The following IL2RB variants were observed in gnomAD, a reference collection of about 807,000 sequenced individuals.
IL2RB encodes interleukin 2 receptor subunit beta.
IL2RB carries 17 observed loss-of-function variants against 44.2 expected under a neutral mutation model. The observed-to-expected ratio is 0.38, with a 90% CI of 0.26 to 0.58. The LOEUF is 0.58. Ranked by LOEUF, IL2RB falls within the 20% of genes least tolerant of loss-of-function variation. The pLI is 0.63. For synonymous variants in IL2RB, 286 were observed against 297.9 expected (o/e 0.96, Z 0.41); for missense variants, 624 against 685.5 (o/e 0.91, Z 1.00).
intron 1 of IL2RB, among the ~76,000 whole-genome samples, chr22:37,167,347 C>T (rs1431031680): frequency 1.3e-5 from 2 of 152,172 alleles, no homozygotes; most frequent in African/African-American, 4.8e-5. Flanking sequence ...CTCGTCCCAC[C>T]ATCTCTCTGC....
rs228941 is a variant in IL2RB at position 37,127,681 on chromosome 22, C to G, written c.*415G>C. On this transcript the variant is annotated 3_prime_UTR_variant, in exon 10 of 10. Transcript: ENST00000216223. Reference sequence around the variant, plus strand: ...AAGCACGCTCAGGCTGCCCTGTGGACGGGGAGGGGAGGGAAGGAGGAGGCT... The same window carrying G: ...AAGCACGCTCAGGCTGCCCTGTGGAGGGGGAGGGGAGGGAAGGAGGAGGCT... The G allele has an allele frequency of 0.36, 56,566 of 157,788 alleles. 10,966 individuals are homozygous for G. The highest frequency in any genetic ancestry group is 0.51 in the African/African-American group (21,236 of 41,510). The allele number at this position is 157,788 out of a possible 1,614,324, so 9.8% of individuals were successfully genotyped here. A position where few individuals can be genotyped will look rare whatever the true frequency, so the allele number is the denominator to read the frequency against.
intron 1 of IL2RB, among the ~76,000 whole-genome samples, chr22:37,147,936 C>G (rs568245845): frequency 1.1e-4 from 16 of 152,340 alleles, no homozygotes; most frequent in African/African-American, 2.9e-4. Context: ...TCAATCATGC[C>G]AACCTGGCCC....
Position 37,133,367 on chromosome 22 carries a change from C to G in IL2RB, c.819-899G>C, listed in dbSNP as rs150546729. ...GAAAGAGGAAACGGGGCTCCGAACA[C>G]TGCCGAGAACCACTGCTCCAGGACG... On this transcript the variant is annotated intron_variant, in intron 8 of 9. Transcript: ENST00000216223. Among the ~76,000 whole-genome samples, 90 of 152,298 alleles carry G rather than the reference C, an allele frequency of 5.9e-4. 1 individual carries two copies. The highest frequency in any genetic ancestry group is 2.1e-3 in the African/African-American group (86 of 41,550).
intron 1 of IL2RB, among the ~76,000 whole-genome samples, chr22:37,162,183 G>T (rs996828496): frequency 6.6e-6 from 1 of 152,210 alleles, no homozygotes; most frequent in East Asian, 1.9e-4. Flanking sequence ...GGGTGATGGC[G>T]ATCGAGTGAG....
intron 9 of IL2RB, among the ~76,000 whole-genome samples, chr22:37,129,802 G>A (rs1163987922): frequency 6.6e-6 from 1 of 152,186 alleles, no homozygotes; most frequent in Non-Finnish European, 1.5e-5. Context: ...CAGGGGCCTC[G>A]GGTGGGTGAG....
chr22:37,131,557 G>C (rs1247333608), intron 9 of IL2RB, among the ~76,000 whole-genome samples: 1 of 152,188 alleles, frequency 6.6e-6, no homozygotes, highest in Non-Finnish European at 1.5e-5. Flanking sequence ...TCGGTGTTTT[G>C]TGACTCAAAG....
At position 37,126,592 on chromosome 22, in the gene IL2RB, T is replaced by C. The variant is rs2146220819; in HGVS notation, c.*1504A>G. ...CTTGGTGCCAAACCCCCTCATAGGC[T>C]GCTGGTCAGAGCCTGTGGGGGCGTG... is the stretch of plus-strand genomic sequence containing the variant. On this transcript the variant is annotated 3_prime_UTR_variant, in exon 10 of 10. Transcript: ENST00000216223. The C allele has an allele frequency of 6.6e-6, 1 of 152,348 alleles. No individual in the cohort carries two copies. Among genetic ancestry groups the C allele is most frequent in the Non-Finnish European group, 1.5e-5 (1 of 68,050 alleles). 9.4% of individuals were successfully genotyped at this position (152,348 alleles called of 1,614,324 possible). A position where few individuals can be genotyped will look rare whatever the true frequency, so the allele number is the denominator to read the frequency against.
In IL2RB at chr22:37,128,110, T is replaced by C; in HGVS notation, c.1642A>G (p.Thr548Ala). The C allele has an allele frequency of 6.4e-7, 1 of 1,565,822 alleles. No individual in the cohort carries two copies. Reference sequence around the variant, plus strand: ...TGGCCATCTGTCTACACCAAGTGAGTTGGGTCCTGACCCTGGAGTTCTTGG... The same window carrying C: ...TGGCCATCTGTCTACACCAAGTGAGCTGGGTCCTGACCCTGGAGTTCTTGG... Reference protein sequence around the residue: ...SLQELQGQDPTHLV With the variant: ...SLQELQGQDPAHLV Residue 548 changes from threonine to alanine, a missense_variant, in exon 10 of 10, where the codon ACT becomes GCT. Thr to Ala is a moderately conservative substitution (Grantham distance 58). Transcript: ENST00000216223. The surrounding 1 kb of genome is among the most constrained non-coding windows in gnomAD (Gnocchi z 4.5).
intron 1 of IL2RB, among the ~76,000 whole-genome samples, chr22:37,171,234 C>T (rs974317105): frequency 2.0e-5 from 3 of 152,176 alleles, no homozygotes; most frequent in East Asian, 1.9e-4. Context: ...CCACCCACCT[C>T]GGCCTCTCAA....
intron 1 of IL2RB, among the ~76,000 whole-genome samples, chr22:37,162,284 C>CA (rs1922907587): frequency 6.6e-6 from 1 of 152,136 alleles, no homozygotes; most frequent in Admixed American, 6.5e-5. Flanking sequence ...GCCCTGGTGC[C>CA]AGTGTGAGCA....
In IL2RB at chr22:37,137,867, C is replaced by T. The variant is rs1569044179; in HGVS notation, c.389-132G>A. On this transcript the variant is annotated intron_variant, in intron 5 of 9. Transcript: ENST00000216223. The stretch of plus-strand genomic sequence containing the variant: ...CCGACCCAAAGCCCCAGGACCCGCT[C>T]CCTCACTGCCTCCAGGCCTCTCTCA... 15 of 719,950 alleles carry T rather than the reference C, an allele frequency of 2.1e-5. No homozygotes were observed. In the Admixed American group the frequency reaches 2.7e-4, roughly 13 times the overall value. The allele number at this position is 719,950 out of a possible 1,614,324, so 44.6% of individuals were successfully genotyped here.
intron 3 of IL2RB, among the ~76,000 whole-genome samples, chr22:37,143,283 C>T (rs1241395992): frequency 1.3e-5 from 2 of 152,158 alleles, no homozygotes; most frequent in Admixed American, 6.5e-5. Flanking sequence ...TCATCCCCAG[C>T]CCCTCCACTG....
chr22:37,147,548 C>T (rs1475907847), intron 1 of IL2RB, among the ~76,000 whole-genome samples: 1 of 152,242 alleles, frequency 6.6e-6, no homozygotes, highest in Non-Finnish European at 1.5e-5. Flanking sequence ...TCCCATTCTA[C>T]AGATGAGGAA....
At chr22:37,139,910 T>C (rs891159599) in intron 4 of IL2RB, among the ~76,000 whole-genome samples, 2 of 152,174 alleles carry the variant, frequency 1.3e-5, no homozygotes, top group Admixed American at 6.5e-5. Context: ...GGAGCCCAAG[T>C]TTAAACCCAG....
At chr22:37,131,001 T>C (rs1019730524) in intron 9 of IL2RB, among the ~76,000 whole-genome samples, 2 of 152,154 alleles carry the variant, frequency 1.3e-5, no homozygotes, top group Non-Finnish European at 2.9e-5. Flanking sequence ...ACCCCGTCTC[T>C]ATTAAAAGTA....
At chr22:37,154,078 C>T (rs935481485), upstream of IL2RB, among the ~76,000 whole-genome samples, 6 of 152,148 alleles carry the variant, frequency 3.9e-5, no homozygotes, top group Admixed American at 1.3e-4. Flanking sequence ...CCCAGGCCAG[C>T]GGGGTAGGAC....
intron 1 of IL2RB, among the ~76,000 whole-genome samples, chr22:37,149,039 G>A (rs1377475049): frequency 6.6e-6 from 1 of 152,130 alleles, no homozygotes; most frequent in African/African-American, 2.4e-5. Flanking sequence ...CGGGACCCTG[G>A]CTGTGGGGGA....
chr22:37,156,630 C>A (rs1922688653), intron 1 of IL2RB, among the ~76,000 whole-genome samples: 1 of 152,224 alleles, frequency 6.6e-6, no homozygotes, highest in Non-Finnish European at 1.5e-5. Context: ...CTGTTAAGGA[C>A]CCTTCCCCAA....
intron 1 of IL2RB, among the ~76,000 whole-genome samples, chr22:37,162,201 C>T (rs1349189477): frequency 6.6e-6 from 1 of 152,170 alleles, no homozygotes; most frequent in Non-Finnish European, 1.5e-5. Flanking sequence ...GAGAGGGCAG[C>T]GAGGGGAAGA....
Sources: gnomAD v4.1 joint callset for allele counts (sites outside exome capture counted in the v4.1 genomes callset) on GRCh38, gnomAD v4.1.1 for gene constraint, Gnocchi (gnomAD v3.1) non-coding constraint, MANE v1.5 for transcripts, NCBI Gene and HGNC (gene_info 2026-07-23, HGNC 2026-07-21) for gene names.